Variants in NAGS observed in about 807,000 individuals in gnomAD.
NAGS encodes the protein N-acetylglutamate synthase.
Under a neutral mutation model 46.9 loss-of-function variants are expected in NAGS, and 34 were observed. The observed-to-expected ratio is 0.72, with a 90% confidence interval of 0.55 to 0.97. The LOEUF (loss-of-function observed/expected upper bound fraction) is 0.97. Among genes scored for constraint, NAGS ranks in the 50% least tolerant of loss-of-function variants. The pLI is 0.00. For synonymous variants in NAGS, 334 were observed against 346.3 expected (o/e 0.96, Z 0.39); for missense variants, 665 against 747.0 (o/e 0.89, Z 1.28).
chr17:44,005,415 G>A lies in NAGS; in HGVS notation c.427-222G>A, dbSNP rs2049072767. Among the ~76,000 whole-genome samples the A allele has an allele frequency of 6.6e-6, 1 of 152,234 alleles. No homozygotes were observed. Among genetic ancestry groups the A allele is most frequent in the Non-Finnish European group, 1.5e-5 (1 of 68,042 alleles). ...GCCCCTCCCCCAAAGATGTCCCGGAGTCCAAGGTCGGAGGGAGGAGGGCGG... is the reference window on the plus strand; with the variant it reads ...GCCCCTCCCCCAAAGATGTCCCGGAATCCAAGGTCGGAGGGAGGAGGGCGG... On this transcript the variant is annotated intron_variant, in intron 1 of 6. Coordinates refer to ENST00000293404, the MANE Select transcript of NAGS (RefSeq NM_153006.3). This position sits in a 1 kb window ranked among gnomAD's most constrained non-coding sequence, Gnocchi z 7.2.
At position 44,006,552 on chromosome 17, in the gene NAGS, C is replaced by T. The variant is rs749692636; in HGVS notation, c.939C>T (p.Pro313=). ...AGGTCCTGAGTAACGTGAACCTGCC[C>T]GCCGACCTGGACCTGGTGTGCAACG... ...SHKVLSNVNL[P]ADLDLVCNAE... The change falls in exon 4 of 7, where the codon CCC becomes CCT. Residue 313 remains proline, a synonymous_variant. Coordinates refer to ENST00000293404, the MANE Select transcript of NAGS (RefSeq NM_153006.3). This position sits in a 1 kb window ranked among gnomAD's most constrained non-coding sequence, Gnocchi z 4.8. The T allele has an allele frequency of 5.1e-5, 79 of 1,561,514 alleles. No individual in the cohort carries two copies. Among genetic ancestry groups the T allele is most frequent in the Middle Eastern group, 3.3e-4 (2 of 5,978 alleles).
At position 44,004,779 on chromosome 17, in the gene NAGS, C is replaced by T. The variant is rs754480096; in HGVS notation, c.116C>T (p.Ala39Val). The T allele has an allele frequency of 2.0e-5, 28 of 1,366,674 alleles. No individual in the cohort carries two copies. Among genetic ancestry groups the T allele is most frequent in the East Asian group, 2.9e-5 (1 of 35,024 alleles). The allele number at this position is 1,366,674 out of a possible 1,614,324, so 84.7% of individuals were successfully genotyped here. A position where few individuals can be genotyped will look rare whatever the true frequency, so the allele number is the denominator to read the frequency against. ...RRLSCGARRR[A>V]ARGTSPGRRL... ...CTGAGCTGTGGCGCGCGGCGGCGGGCGGCGAGGGGCACCAGCCCGGGGCGC... is the reference window on the plus strand; with the variant it reads ...CTGAGCTGTGGCGCGCGGCGGCGGGTGGCGAGGGGCACCAGCCCGGGGCGC... Residue 39 changes from alanine (A) to valine (V), a missense_variant, in exon 1 of 7, where the codon GCG (alanine) becomes GTG (valine). By Grantham distance (64) the Ala-to-Val change is moderately conservative. Coordinates refer to ENST00000293404, the MANE Select transcript of NAGS (RefSeq NM_153006.3).
At position 44,007,782 on chromosome 17, in the gene NAGS, T is replaced by C. The variant is rs228773; in HGVS notation, c.1451+9T>C. 0.95 allele frequency: 1,489,791 copies of C among 1,573,136 alleles called. 705,760 individuals are homozygous for C. The highest frequency in any genetic ancestry group is 1 in the East Asian group (42,140 of 42,152). On this transcript the variant is annotated intron_variant, in intron 6 of 6. Transcript: ENST00000293404. This position sits in a 1 kb window ranked among gnomAD's most constrained non-coding sequence, Gnocchi z 5.1. ...AACCCCATCAATCCCTGGTAGGTCC[T>C]GCCACTCCCAGCTCTGGGCTGGGCC...
Position 44,007,466 on chromosome 17 carries a change from C to T in NAGS, c.1240C>T (p.Arg414Trp). The change falls in exon 5 of 7, where the codon CGG (arginine) becomes TGG (tryptophan). Residue 414 changes from arginine to tryptophan, a missense_variant. By Grantham distance (101) the Arg-to-Trp change is moderately radical. Transcript: ENST00000293404. This position sits in a 1 kb window ranked among gnomAD's most constrained non-coding sequence, Gnocchi z 5.1. ...CGACTACCTGGCCTCGCTGCGCCCG[C>T]GGCTGCACTCCATCTACGTCTCCGA... ...RDDYLASLRP[R>W]LHSIYVSEGY... 6.2e-7 allele frequency: 1 copy of T among 1,613,774 alleles called. No homozygotes were observed. Among genetic ancestry groups the T allele is most frequent in the Admixed American group, 1.7e-5 (1 of 60,030 alleles).
rs998618739 is a variant in NAGS, at chr17:44,004,920, C to T, written c.257C>T (p.Pro86Leu). The T allele has an allele frequency of 2.6e-6, 4 of 1,535,144 alleles. No individual in the cohort carries two copies. The highest frequency in any genetic ancestry group is 2.7e-5 in the African/African-American group (2 of 72,984). The change falls in exon 1 of 7, where the codon CCC (proline) becomes CTC (leucine). Residue 86 changes from proline to leucine, a missense_variant. Coordinates refer to ENST00000293404, the MANE Select transcript of NAGS (RefSeq NM_153006.3). ...EEPSWVPSPR[P>L]PVPHESPEPP... ...CCGTCGTGGGTGCCGAGTCCCAGGCCCCCGGTGCCCCACGAGTCCCCAGAG... is the reference window on the plus strand; with the variant it reads ...CCGTCGTGGGTGCCGAGTCCCAGGCTCCCGGTGCCCCACGAGTCCCCAGAG...
In NAGS at chr17:44,007,663, G is replaced by A. The variant is rs1236270767; in HGVS notation, c.1341G>A (p.Val447=). Residue 447 remains valine (V), a synonymous_variant, in exon 6 of 7, where the codon GTG becomes GTA. Coordinates refer to ENST00000293404, the MANE Select transcript of NAGS (RefSeq NM_153006.3). This position sits in a 1 kb window ranked among gnomAD's most constrained non-coding sequence, Gnocchi z 5.1. ...GGTPYLDKFV[V]SSSRQGQGSG... ...CCCCGTACCTGGACAAATTTGTGGT[G>A]AGCTCCAGCCGCCAGGGCCAAGGCT... 1.2e-6 allele frequency: 2 copies of A among 1,602,652 alleles called. No homozygotes were observed. Among genetic ancestry groups the A allele is most frequent in the Non-Finnish European group, 1.7e-6 (2 of 1,174,638 alleles).
chr17:44,008,342 G>A lies in NAGS; in HGVS notation c.1452-106G>A, dbSNP rs920048801. Reference sequence around the variant, plus strand: ...ACAGCAGGACCAAGCTGGGTGCCCAGCATGCAGTAGGTCCTCAATCAATGT... The same window carrying A: ...ACAGCAGGACCAAGCTGGGTGCCCAACATGCAGTAGGTCCTCAATCAATGT... On this transcript the variant is annotated intron_variant, in intron 6 of 6. Coordinates refer to ENST00000293404, the MANE Select transcript of NAGS (RefSeq NM_153006.3). 2.4e-5 allele frequency: 32 copies of A among 1,360,750 alleles called. 1 individual carries two copies. Among genetic ancestry groups the A allele is most frequent in the Admixed American group, 1.7e-4 (10 of 59,652 alleles). The allele number at this position is 1,360,750 out of a possible 1,614,324, so 84.3% of individuals were successfully genotyped here.
Position 44,005,205 on chromosome 17 carries a change from C to G in NAGS, c.426+116C>G. The G allele has an allele frequency of 1.4e-6, 2 of 1,451,766 alleles. No homozygotes were observed. The highest frequency in any genetic ancestry group is 1.8e-6 in the Non-Finnish European group (2 of 1,102,712). 89.9% of individuals were successfully genotyped at this position (1,451,766 alleles called of 1,614,324 possible). ...TCTGCGCAGCGGAAGCGGGAAGGAG[C>G]CCGGCAGGGCCCAGACCAGCGCCGC... On this transcript the variant is annotated intron_variant, in intron 1 of 6. Coordinates refer to ENST00000293404, the MANE Select transcript of NAGS (RefSeq NM_153006.3). The surrounding 1 kb of genome is among the most constrained non-coding windows in gnomAD (Gnocchi z 7.2).
chr17:44,006,521 G>A lies in NAGS; in HGVS notation c.916-8G>A. The A allele has an allele frequency of 6.4e-7, 1 of 1,551,718 alleles. No homozygotes were observed. Among genetic ancestry groups the A allele is most frequent in the Non-Finnish European group, 8.7e-7 (1 of 1,147,542 alleles). On this transcript the variant is annotated splice_region_variant and splice_polypyrimidine_tract_variant and intron_variant, in intron 3 of 6. Coordinates refer to ENST00000293404, the MANE Select transcript of NAGS (RefSeq NM_153006.3). The surrounding 1 kb of genome is among the most constrained non-coding windows in gnomAD (Gnocchi z 4.8). ...TGGGCCAGGCTCACCCGCTGACTCC[G>A]GACACAGGTCCTGAGTAACGTGAAC...
rs760000203 is a variant in NAGS, at chr17:44,007,296, G to A, written c.1097-27G>A. ...GGCTGCGCAAACGGCCCTCCAGCCA[G>A]ACTAGCCCCTCCCCATCCTCCTCCA... On this transcript the variant is annotated intron_variant, in intron 4 of 6. Transcript: ENST00000293404. The surrounding 1 kb of genome is among the most constrained non-coding windows in gnomAD (Gnocchi z 5.1). 1.2e-6 allele frequency: 2 copies of A among 1,612,186 alleles called. No homozygotes were observed. The highest frequency in any genetic ancestry group is 1.7e-6 in the Non-Finnish European group (2 of 1,179,344).
intron 6 of NAGS, 146 bp from the exon 7 acceptor site, chr17:44,008,301 TA>T: frequency 1.1e-6 from 1 of 913,790 alleles, no homozygotes; most frequent in Non-Finnish European, 1.8e-6. Context: ...GCTGTGAGGA[TA>T]AAATGAGATA....
rs902939862 is a variant in NAGS at position 44,006,118 on chromosome 17, G to T, written c.796G>T (p.Ala266Ser). 2 of 1,612,864 alleles carry T rather than the reference G, an allele frequency of 1.2e-6. No homozygotes were observed. The highest frequency in any genetic ancestry group is 1.7e-6 in the Non-Finnish European group (2 of 1,179,878). ...PILCPIGETA[A>S]RRSVLLDSLE... ...CCTGTGCCCCATCGGGGAGACGGCCGCGCGCCGCTCCGTGCTTCTCGACTC... is the reference window on the plus strand; with the variant it reads ...CCTGTGCCCCATCGGGGAGACGGCCTCGCGCCGCTCCGTGCTTCTCGACTC... The change falls in exon 3 of 7, where the codon GCG becomes TCG. Residue 266 changes from alanine (A) to serine (S), a missense_variant. Physicochemically the swap from Ala to Ser is moderately conservative, Grantham distance 99 (BLOSUM62 1). Transcript: ENST00000293404. This position sits in a 1 kb window ranked among gnomAD's most constrained non-coding sequence, Gnocchi z 4.8.
At position 44,005,608 on chromosome 17, in the gene NAGS, A is replaced by T; in HGVS notation, c.427-29A>T. ...GGAGCCAGCGGCTCAGGTCCGTGTC[A>T]CGCTCCTTGAAAGCCCACTCCTCCG... On this transcript the variant is annotated intron_variant, in intron 1 of 6. Coordinates refer to ENST00000293404, the MANE Select transcript of NAGS (RefSeq NM_153006.3). This position sits in a 1 kb window ranked among gnomAD's most constrained non-coding sequence, Gnocchi z 7.2. 6.2e-7 allele frequency: 1 copy of T among 1,605,540 alleles called. No homozygotes were observed. The highest frequency in any genetic ancestry group is 8.5e-7 in the Non-Finnish European group (1 of 1,176,930).
At position 44,007,624 on chromosome 17, in the gene NAGS, C is replaced by T. The variant is rs150004962; in HGVS notation, c.1302C>T (p.Pro434=). ...CCGCCGCCATTCTGACCATGGAGCC[C>T]GTCCTGGGGGGCACCCCGTACCTGG... ...YNAAAILTME[P]VLGGTPYLDK... is the part of the protein sequence containing the mutation. The change falls in exon 6 of 7, where the codon CCC becomes CCT. Residue 434 remains proline (P), a synonymous_variant. Transcript: ENST00000293404. This position sits in a 1 kb window ranked among gnomAD's most constrained non-coding sequence, Gnocchi z 5.1. 1,825 of 1,606,326 alleles carry T rather than the reference C, an allele frequency of 1.1e-3. 5 individuals carry two copies. Among genetic ancestry groups the T allele is most frequent in the South Asian group, 2.3e-3 (209 of 90,132 alleles).
Position 44,007,025 on chromosome 17 carries a change from GCTTAGGTGGGTGGGCCGGGT to G in NAGS, c.1097-296_1097-277del. The G allele has an allele frequency of 7.1e-6, 4 of 559,548 alleles. No homozygotes were observed. Among genetic ancestry groups the G allele is most frequent in the Non-Finnish European group, 1.3e-5 (4 of 316,200 alleles). 34.7% of individuals were successfully genotyped at this position (559,548 alleles called of 1,614,324 possible). A position where few individuals can be genotyped will look rare whatever the true frequency, so the allele number is the denominator to read the frequency against. ...TGTTCGACCGGGAGAGATGGGCGGG[GCTTAGGTGGGTGGGCCGGGT>G]CAGCGGCGGGAGACAGACTTCAAGG... On this transcript the variant is annotated intron_variant, in intron 4 of 6. Coordinates refer to ENST00000293404, the MANE Select transcript of NAGS (RefSeq NM_153006.3). The surrounding 1 kb of genome is among the most constrained non-coding windows in gnomAD (Gnocchi z 5.1).
chr17:44,007,039 G>A lies in NAGS; in HGVS notation c.1097-284G>A. 1.8e-6 allele frequency: 1 copy of A among 563,786 alleles called. No individual in the cohort carries two copies. 34.9% of individuals were successfully genotyped at this position (563,786 alleles called of 1,614,324 possible). ...AGATGGGCGGGGCTTAGGTGGGTGG[G>A]CCGGGTCAGCGGCGGGAGACAGACT... On this transcript the variant is annotated intron_variant, in intron 4 of 6. Transcript: ENST00000293404. The surrounding 1 kb of genome is among the most constrained non-coding windows in gnomAD (Gnocchi z 5.1).
rs765197938 is a variant in NAGS at position 44,004,780 on chromosome 17, G to A, written c.117G>A (p.Ala39=). Residue 39 remains alanine, a synonymous_variant, in exon 1 of 7, where the codon GCG becomes GCA. Coordinates refer to ENST00000293404, the MANE Select transcript of NAGS (RefSeq NM_153006.3). ...TGAGCTGTGGCGCGCGGCGGCGGGC[G>A]GCGAGGGGCACCAGCCCGGGGCGCC... ...RRLSCGARRR[A]ARGTSPGRRL... 1.8e-5 allele frequency: 25 copies of A among 1,368,026 alleles called. No homozygotes were observed. The African/African-American group carries it at 2.1e-4, about 11-fold the overall frequency. 84.7% of individuals were successfully genotyped at this position (1,368,026 alleles called of 1,614,324 possible).
At position 44,005,807 on chromosome 17, in the gene NAGS, C is replaced by T; in HGVS notation, c.597C>T (p.Ser199=). The T allele has an allele frequency of 1.9e-6, 3 of 1,583,688 alleles. No homozygotes were observed. The highest frequency in any genetic ancestry group is 2.6e-6 in the Non-Finnish European group (3 of 1,166,190). The change falls in exon 2 of 7, where the codon AGC becomes AGT. Residue 199 remains serine (S), a synonymous_variant. Transcript: ENST00000293404. This position sits in a 1 kb window ranked among gnomAD's most constrained non-coding sequence, Gnocchi z 7.2. ...FWEAKAQLAK[S]CKVLVDALRH... is the part of the protein sequence containing the mutation. ...AGGCCAAGGCGCAGCTGGCCAAGAGCTGCAAGGTGCTGGTAGACGCGCTTC... is the reference window on the plus strand; with the variant it reads ...AGGCCAAGGCGCAGCTGGCCAAGAGTTGCAAGGTGCTGGTAGACGCGCTTC...
In NAGS at chr17:44,007,984, G is replaced by C. The variant is rs170639; in HGVS notation, c.1451+211G>C. Among the ~76,000 whole-genome samples, 140,649 of 152,142 alleles carry C rather than the reference G, an allele frequency of 0.92. 65,166 individuals carry two copies. Among genetic ancestry groups the C allele is most frequent in the East Asian group, 1 (5,161 of 5,164 alleles). On this transcript the variant is annotated intron_variant, in intron 6 of 6. Transcript: ENST00000293404. This position sits in a 1 kb window ranked among gnomAD's most constrained non-coding sequence, Gnocchi z 5.1. Reference sequence around the variant, plus strand: ...TCTGGCAGCAAGTGACACCTCCTAAGCCCCACGCAGCCCACCTCTCACAGG... The same window carrying C: ...TCTGGCAGCAAGTGACACCTCCTAACCCCCACGCAGCCCACCTCTCACAGG...
Sources: gnomAD v4.1 joint callset for allele counts (sites outside exome capture counted in the v4.1 genomes callset) on GRCh38, gnomAD v4.1.1 for gene constraint, Gnocchi (gnomAD v3.1) non-coding constraint, MANE v1.5 for transcripts, NCBI Gene and HGNC (gene_info 2026-07-23, HGNC 2026-07-21) for gene names.